The following SCN8A variants were observed in gnomAD, a reference collection of about 807,000 sequenced individuals.
The protein encoded by SCN8A is sodium channel protein type 8 subunit alpha.
SCN8A carries 30 observed loss-of-function variants against 184.1 expected under a neutral mutation model. That is an observed-to-expected ratio of 0.16 (90% confidence interval 0.12 to 0.22). SCN8A has a LOEUF of 0.22. Ranked by LOEUF, SCN8A falls within the 10% of genes least tolerant of loss-of-function variation. The pLI is 1.00. For missense variants in SCN8A, 1,057 were observed against 2,498.9 expected (o/e 0.42, Z 12.30); for synonymous variants, 852 against 907.0 (o/e 0.94, Z 1.09).
chr12:51,793,572 A>AGAGAAAGAAGGGATT (rs1320579174), intron 25 of SCN8A, among the ~76,000 whole-genome samples: 4 of 152,230 alleles, frequency 2.6e-5, no homozygotes, highest in Non-Finnish European at 5.9e-5. Context: ...GCAAAAATTT[A>AGAGAAAGAAGGGATT]GAGAAAGAAG....
chr12:51,632,911 G>GC (rs145382640), intron 1 of SCN8A, among the ~76,000 whole-genome samples: 11,248 of 152,062 alleles, frequency 0.074, 1,009 homozygotes, highest in African/African-American at 0.21. Context: ...TGCTTTTACA[G>GC]CCCCCTTCCC....
chr12:51,594,572 C>T (rs1939302520), intron 1 of SCN8A, among the ~76,000 whole-genome samples: 2 of 152,138 alleles, frequency 1.3e-5, no homozygotes, highest in Non-Finnish European at 2.9e-5. Flanking sequence ...TGGATTATGT[C>T]TAAGGACACT....
chr12:51,771,916 A>G (rs757191990), intron 19 of SCN8A, among the ~76,000 whole-genome samples: 3 of 152,254 alleles, frequency 2.0e-5, no homozygotes, highest in Non-Finnish European at 4.4e-5. Flanking sequence ...AAATCTAAAC[A>G]GTATGACCCA....
intron 12 of SCN8A, among the ~76,000 whole-genome samples, chr12:51,739,760 G>A (rs1190706830): frequency 2.0e-5 from 3 of 152,030 alleles, no homozygotes; most frequent in South Asian, 2.1e-4. Flanking sequence ...CGCCACTTGC[G>A]CGAGACCAGC....
intron 12 of SCN8A, among the ~76,000 whole-genome samples, chr12:51,744,494 CA>C (rs1942477879): frequency 6.6e-6 from 1 of 152,030 alleles, no homozygotes; most frequent in Admixed American, 6.6e-5. Flanking sequence ...AAGGAATTCC[CA>C]GGGAAATCGG....
chr12:51,662,965 G>T lies in SCN8A; in HGVS notation c.148G>T (p.Asp50Tyr). The T allele has an allele frequency of 1.2e-6, 2 of 1,614,060 alleles. No individual in the cohort carries two copies. Among genetic ancestry groups the T allele is most frequent in the Non-Finnish European group, 1.7e-6 (2 of 1,179,900 alleles). ...TGGCAGTCATCGGGAGGACGATGAG[G>T]ACAGCAAGCCCAAGCCAAACAGCGA... ...ADGSHREDDE[D>Y]SKPKPNSDLE... Residue 50 changes from aspartate to tyrosine, a missense_variant, in exon 2 of 27, where the codon GAC becomes TAC. Asp to Tyr is a radical substitution (Grantham distance 160). Coordinates refer to ENST00000627620, the MANE Select transcript of SCN8A (RefSeq NM_001330260.2).
chr12:51,807,447 G>T lies in SCN8A; in HGVS notation c.*18G>T, dbSNP rs746868733. On this transcript the variant is annotated 3_prime_UTR_variant, in exon 27 of 27. Transcript: ENST00000627620. The surrounding 1 kb of genome is among the most constrained non-coding windows in gnomAD (Gnocchi z 4.5). ...AGTGTTAGAGGAGAACAAAAATTCA[G>T]TATTATACAGATCTAAAACTCGCAA... 1 of 1,591,736 alleles carries T rather than the reference G, an allele frequency of 6.3e-7. No individual in the cohort carries two copies. The highest frequency in any genetic ancestry group is 1.1e-5 in the South Asian group (1 of 88,198).
At chr12:51,776,560 C>G (rs992544487) in intron 20 of SCN8A, among the ~76,000 whole-genome samples, 8 of 152,250 alleles carry the variant, frequency 5.3e-5, no homozygotes, top group African/African-American at 1.9e-4. Flanking sequence ...GGGGAGCTTA[C>G]ACTAGCTTCC....
intron 5 of SCN8A, 130 bp from the exon 6 acceptor site, chr12:51,688,875 G>C (rs199695729): frequency 6.3e-7 from 1 of 1,598,840 alleles, no homozygotes; most frequent in East Asian, 2.2e-5. Flanking sequence ...GTTGGTGTTA[G>C]GTGTTGGGAT....
rs769940455 is a variant in SCN8A at position 51,745,885 on chromosome 12, CTT to C, written c.1999-6_1999-5del. 1,062 of 1,210,482 alleles carry C rather than the reference CTT, an allele frequency of 8.8e-4. No homozygotes were observed. The highest frequency in any genetic ancestry group is 2.7e-3 in the South Asian group (173 of 63,216). The allele number at this position is 1,210,482 out of a possible 1,614,324, so 75.0% of individuals were successfully genotyped here. A position where few individuals can be genotyped will look rare whatever the true frequency, so the allele number is the denominator to read the frequency against. On this transcript the variant is annotated splice_polypyrimidine_tract_variant and intron_variant, in intron 12 of 26. Coordinates refer to ENST00000627620, the MANE Select transcript of SCN8A (RefSeq NM_001330260.2). ...GACTTAACTCACTCTATTTGCTTTT[CTT>C]TTTTTTTTTTTAAAGGCTACAACTG... is the stretch of plus-strand genomic sequence containing the variant.
intron 1 of SCN8A, among the ~76,000 whole-genome samples, chr12:51,632,993 A>G (rs1352221945): frequency 6.6e-6 from 1 of 152,222 alleles, no homozygotes; most frequent in Non-Finnish European, 1.5e-5. Context: ...TACAATAAGA[A>G]TAATAACAAC....
intron 1 of SCN8A, among the ~76,000 whole-genome samples, chr12:51,616,074 T>C (rs1227908727): frequency 6.6e-6 from 1 of 152,152 alleles, no homozygotes; most frequent in African/African-American, 2.4e-5. Flanking sequence ...GTAAAATGGG[T>C]ATTACATTTA....
intron 9 of SCN8A, 46 bp from the exon 10 acceptor site, chr12:51,705,371 G>T: frequency 1.3e-6 from 2 of 1,592,108 alleles, no homozygotes; most frequent in Non-Finnish European, 1.7e-6. Flanking sequence ...TTTCAGCCCG[G>T]TTCATTTGGT....
rs138773788 is a variant in SCN8A, at chr12:51,634,251, T to G, written c.-54-28513T>G. Among the ~76,000 whole-genome samples, 942 of 152,346 alleles carry G rather than the reference T, an allele frequency of 6.2e-3. 2 individuals are homozygous for G. Among genetic ancestry groups the G allele is most frequent in the Middle Eastern group, 0.02 (6 of 294 alleles). On this transcript the variant is annotated intron_variant, in intron 1 of 26. Coordinates refer to ENST00000627620, the MANE Select transcript of SCN8A (RefSeq NM_001330260.2). Reference sequence around the variant, plus strand: ...TTCGGAACATGTAAAACAATCTTTATTATATATGGATACACTGTTTATATG... The same window carrying G: ...TTCGGAACATGTAAAACAATCTTTAGTATATATGGATACACTGTTTATATG...
At chr12:51,649,853 G>A (rs1189183142) in intron 1 of SCN8A, among the ~76,000 whole-genome samples, 1 of 152,196 alleles carries the variant, frequency 6.6e-6, no homozygotes, top group Non-Finnish European at 1.5e-5. Flanking sequence ...AATTTCTGCA[G>A]CCAGCTTGTA....
chr12:51,807,069 G>A lies in SCN8A; in HGVS notation c.5583G>A (p.Glu1861=). The change falls in exon 27 of 27, where the codon GAG becomes GAA. Residue 1861 remains glutamate (E), a synonymous_variant. Coordinates refer to ENST00000627620, the MANE Select transcript of SCN8A (RefSeq NM_001330260.2). The surrounding 1 kb of genome is among the most constrained non-coding windows in gnomAD (Gnocchi z 4.5). ...AGCGGGTCCTGGGAGATAGCGGGGA[G>A]TTGGACATCCTGCGGCAGCAGATGG... The part of the protein sequence containing the change: ...FTKRVLGDSG[E]LDILRQQMEE... The A allele has an allele frequency of 6.2e-7, 1 of 1,614,046 alleles. No homozygotes were observed. The highest frequency in any genetic ancestry group is 1.1e-5 in the South Asian group (1 of 91,088).
chr12:51,717,502 T>G (rs896416340), intron 11 of SCN8A, among the ~76,000 whole-genome samples: 2 of 152,194 alleles, frequency 1.3e-5, no homozygotes. Context: ...TAACAAGTCA[T>G]GTACTAGCTG....
chr12:51,734,538 C>G (rs551543079), intron 12 of SCN8A, among the ~76,000 whole-genome samples: 1 of 152,234 alleles, frequency 6.6e-6, no homozygotes, highest in African/African-American at 2.4e-5. Context: ...TGCCTTTAAG[C>G]GGTTTTCCAC....
chr12:51,658,936 T>C (rs1182854766), intron 1 of SCN8A, among the ~76,000 whole-genome samples: 2 of 152,158 alleles, frequency 1.3e-5, no homozygotes, highest in Non-Finnish European at 2.9e-5. Context: ...GGTAGGAATA[T>C]TACTAAAGCT....
Sources: allele counts gnomAD v4.1 joint callset (sites outside exome capture counted in the v4.1 genomes callset), GRCh38; gene constraint gnomAD v4.1.1; non-coding constraint Gnocchi (gnomAD v3.1); transcripts MANE v1.5; gene names NCBI Gene and HGNC (gene_info 2026-07-23, HGNC 2026-07-21).